The following PIR variants were observed in gnomAD, a reference collection of about 807,000 sequenced individuals.
The protein encoded by PIR is pirin, also known as pirin (iron-binding nuclear protein).
PIR carries 22 observed loss-of-function variants against 24.2 expected under a neutral mutation model. The observed-to-expected ratio is 0.91, with a 90% CI of 0.65 to 1.30. The LOEUF (loss-of-function observed/expected upper bound fraction) is 1.30, where lower values mean the gene tolerates loss of function less well. PIR is among the 50% of genes most tolerant of loss of function. The pLI, the probability that PIR is intolerant of heterozygous loss-of-function variation, is 0.00. For missense variants in PIR, 220 were observed against 220.3 expected (o/e 1.00, Z 0.01); for synonymous variants, 80 against 79.6 (o/e 1.00, Z -0.03).
chrX:15,486,444 G>A (rs936331747), intron 2 of PIR, among the ~76,000 whole-genome samples: 7 of 110,324 alleles, frequency 6.3e-5, no homozygotes, highest in African/African-American at 1.7e-4. Flanking sequence ...GGATGGGGCC[G>A]ATGCTATGCT....
intron 3 of PIR, among the ~76,000 whole-genome samples, chrX:15,463,736 G>C (rs938018119): frequency 2.7e-5 from 3 of 112,157 alleles, no homozygotes; most frequent in Non-Finnish European, 5.6e-5. Context: ...CCATTTGTAT[G>C]GGAAATTAAT....
At chrX:15,387,726 G>A (rs1015252119) in intron 9 of PIR, among the ~76,000 whole-genome samples, 1 of 111,539 alleles carries the variant, frequency 9.0e-6, no homozygotes, top group Non-Finnish European at 1.9e-5. Flanking sequence ...GACTTGTGGA[G>A]CAGTACTCCC....
chrX:15,468,786 A>G (rs1298587606), intron 3 of PIR, among the ~76,000 whole-genome samples: 1 of 112,445 alleles, frequency 8.9e-6, no homozygotes, highest in Non-Finnish European at 1.9e-5. Flanking sequence ...GTCTTTTAAA[A>G]ATAAAAGTTA....
chrX:15,413,381 T>A (rs749670331), intron 6 of PIR, among the ~76,000 whole-genome samples: 1 of 111,258 alleles, frequency 9.0e-6, no homozygotes, highest in African/African-American at 3.3e-5. Context: ...CCAAAAGAAG[T>A]CTACATTTTT....
chrX:15,438,149 C>G (rs1322098304), intron 5 of PIR, among the ~76,000 whole-genome samples: 1 of 112,293 alleles, frequency 8.9e-6, no homozygotes, highest in Non-Finnish European at 1.9e-5. Flanking sequence ...TCAGCACCAG[C>G]TCAGAAAAAT....
At chrX:15,443,735 T>C (rs1319839700) in intron 5 of PIR, among the ~76,000 whole-genome samples, 1 of 111,424 alleles carries the variant, frequency 9.0e-6, no homozygotes, top group Non-Finnish European at 1.9e-5. Flanking sequence ...TCAACATTAA[T>C]AGGAGTTTGG....
chrX:15,448,015 T>C (rs990971000), intron 5 of PIR, among the ~76,000 whole-genome samples: 27 of 112,158 alleles, frequency 2.4e-4, no homozygotes, highest in Non-Finnish European at 3.9e-4. Context: ...CTTCATTCAC[T>C]GGAAGGAGAG....
chrX:15,475,962 G>A (rs1055665516), intron 3 of PIR, among the ~76,000 whole-genome samples: 1 of 112,217 alleles, frequency 8.9e-6, no homozygotes, highest in African/African-American at 3.2e-5. Flanking sequence ...TAAGAGTTAA[G>A]TTTAAAAATG....
intron 6 of PIR, among the ~76,000 whole-genome samples, chrX:15,414,844 GA>G (rs373697108): frequency 9.1e-6 from 1 of 110,129 alleles, no homozygotes; most frequent in East Asian, 2.8e-4. Context: ...TGTAAAATAT[GA>G]AAAAAAATAC....
intron 3 of PIR, among the ~76,000 whole-genome samples, chrX:15,462,233 T>G (rs192458146): frequency 8.9e-6 from 1 of 112,468 alleles, no homozygotes; most frequent in African/African-American, 3.2e-5. Flanking sequence ...AAATAATTAG[T>G]AAGAATTTAA....
intron 7 of PIR, among the ~76,000 whole-genome samples, chrX:15,402,450 T>A (rs1340932475): frequency 9.0e-6 from 1 of 111,569 alleles, no homozygotes; most frequent in Non-Finnish European, 1.9e-5. Context: ...GATTCAGGCA[T>A]GCAAGGCAGA....
At chrX:15,418,003 G>A (rs950006525) in intron 6 of PIR, among the ~76,000 whole-genome samples, 1 of 111,529 alleles carries the variant, frequency 9.0e-6, no homozygotes, top group Non-Finnish European at 1.9e-5. Flanking sequence ...ATCTTTGGGG[G>A]GACATTATTT....
intron 5 of PIR, among the ~76,000 whole-genome samples, chrX:15,451,865 A>G (rs368976475): frequency 1.8e-5 from 2 of 112,563 alleles, no homozygotes; most frequent in Non-Finnish European, 3.7e-5. Flanking sequence ...AAGATTTTGT[A>G]TGGAAGTGAA....
intron 2 of PIR, among the ~76,000 whole-genome samples, chrX:15,483,061 C>G (rs912019032): frequency 9.2e-6 from 1 of 108,887 alleles, no homozygotes; most frequent in Non-Finnish European, 1.9e-5. Context: ...TGTCATATTA[C>G]TAGAAATTAA....
At chrX:15,451,116 GCCCGAGGGA>G (rs1487684920) in intron 5 of PIR, among the ~76,000 whole-genome samples, 14 of 111,827 alleles carry the variant, frequency 1.3e-4, no homozygotes, top group Non-Finnish European at 1.9e-4. Flanking sequence ...GGAAAGAATT[GCCCGAGGGA>G]CATGGGGTCT....
intron 5 of PIR, among the ~76,000 whole-genome samples, chrX:15,454,824 T>G (rs1921021020): frequency 8.9e-6 from 1 of 111,824 alleles, no homozygotes; most frequent in Non-Finnish European, 1.9e-5. Context: ...TTTTAACCAT[T>G]TCTGTGCCTC....
At chrX:15,442,504 T>C (rs1198179784) in intron 5 of PIR, among the ~76,000 whole-genome samples, 2 of 111,772 alleles carry the variant, frequency 1.8e-5, no homozygotes, top group Non-Finnish European at 3.8e-5. Context: ...TAGAAATGAT[T>C]AAGCTTAGTG....
chrX:15,463,678 G>A (rs1921410354), intron 3 of PIR, among the ~76,000 whole-genome samples: 1 of 112,235 alleles, frequency 8.9e-6, no homozygotes, highest in African/African-American at 3.2e-5. Flanking sequence ...CTGGGAACTC[G>A]CTATGGTAAT....
intron 5 of PIR, among the ~76,000 whole-genome samples, chrX:15,430,506 C>T (rs1041394002): frequency 3.6e-5 from 4 of 111,750 alleles, no homozygotes; most frequent in Non-Finnish European, 3.8e-5. Context: ...CTACCAAATC[C>T]AGGAAAACCT....
Sources: gnomAD v4.1 joint callset for allele counts (sites outside exome capture counted in the v4.1 genomes callset) on GRCh38, gnomAD v4.1.1 for gene constraint, MANE v1.5 for transcripts, NCBI Gene and HGNC (gene_info 2026-07-23, HGNC 2026-07-21) for gene names.